The following SERAC1 variants were observed in gnomAD, a reference collection of about 807,000 sequenced individuals.
SERAC1 encodes the protein serine active site containing 1.
SERAC1 carries 36 observed loss-of-function variants against 85.7 expected under a neutral mutation model. The observed-to-expected ratio is 0.42, with a 90% CI of 0.32 to 0.55. The LOEUF (loss-of-function observed/expected upper bound fraction) is 0.55, where lower values mean the gene tolerates loss of function less well. SERAC1 is among the 20% of genes least tolerant of loss of function. The pLI is 0.11. For synonymous variants in SERAC1, 242 were observed against 265.3 expected, an observed-to-expected ratio of 0.91 and a Z score of 0.85; for missense variants, 629 against 796.2, an observed-to-expected ratio of 0.79 and a Z score of 2.53.
intron 5 of SERAC1, among the ~76,000 whole-genome samples, chr6:158,148,662 C>T (rs572462849): frequency 2.4e-4 from 37 of 152,080 alleles, no homozygotes; most frequent in Non-Finnish European, 4.9e-4. Flanking sequence ...AGGCTGGTTT[C>T]AAACTCCTGA....
chr6:158,137,583 A>T lies in SERAC1; in HGVS notation c.738+5473T>A, dbSNP rs115544033. Among the ~76,000 whole-genome samples, 590 of 152,200 alleles carry T rather than the reference A, an allele frequency of 3.9e-3. 6 individuals are homozygous for T. The highest frequency in any genetic ancestry group is 0.014 in the African/African-American group (565 of 41,536). ...AGTAGCATAAAGACAATGCAATCAA[A>T]AGGTCATACGGGCCAGGCACGGTGG... On this transcript the variant is annotated intron_variant, in intron 8 of 16. Transcript: ENST00000647468.
intron 1 of SERAC1, among the ~76,000 whole-genome samples, chr6:158,165,575 T>G (rs2128426641): frequency 6.6e-6 from 1 of 152,262 alleles, no homozygotes; most frequent in South Asian, 2.1e-4. Flanking sequence ...CCTTTCATAC[T>G]CAACTGTCCA....
At position 158,110,486 on chromosome 6, in the gene SERAC1, AAAG is replaced by A. The variant is rs1418531467; in HGVS notation, c.*877_*879del. On this transcript the variant is annotated 3_prime_UTR_variant, in exon 17 of 17. Coordinates refer to ENST00000647468, the MANE Select transcript of SERAC1 (RefSeq NM_032861.4). The stretch of plus-strand genomic sequence containing the variant: ...AATAATGCTGTTACTCTAAAGAAAA[AAAG>A]GTCATCGACATGATTATCTACTACT... 2 of 152,232 alleles carry A rather than the reference AAAG, an allele frequency of 1.3e-5. No individual in the cohort carries two copies. Among genetic ancestry groups the A allele is most frequent in the Non-Finnish European group, 2.9e-5 (2 of 68,042 alleles). 9.4% of individuals were successfully genotyped at this position (152,232 alleles called of 1,614,324 possible).
intron 14 of SERAC1, among the ~76,000 whole-genome samples, chr6:158,115,424 C>G (rs909669001): frequency 6.6e-6 from 1 of 152,192 alleles, no homozygotes; most frequent in African/African-American, 2.4e-5. Context: ...CCTCTGGAGG[C>G]ACCTTTTCTT....
chr6:158,154,930 G>A (rs1785291545), intron 3 of SERAC1, among the ~76,000 whole-genome samples: 1 of 151,954 alleles, frequency 6.6e-6, no homozygotes, highest in Non-Finnish European at 1.5e-5. Flanking sequence ...AAGTGTGCCG[G>A]AGCTGAGTGA....
chr6:158,158,208 TA>T, intron 2 of SERAC1, 64 bp downstream of exon 2: 1 of 1,269,622 alleles, frequency 7.9e-7, no homozygotes, highest in South Asian at 1.3e-5. Flanking sequence ...TGGCCCATCT[TA>T]GAAATGGCCA....
intron 7 of SERAC1, 40 bp from the exon 8 acceptor site, chr6:158,143,224 C>T (rs996801014): frequency 6.3e-7 from 1 of 1,587,736 alleles, no homozygotes; most frequent in Non-Finnish European, 8.5e-7. Flanking sequence ...AAATACTCAA[C>T]AACTGAGTAC....
rs148224944 is a variant in SERAC1 at position 158,116,236 on chromosome 6, C to T, written c.1450G>A (p.Ala484Thr). ...ACTGGCCTATCCCCAACACCAGCAG[C>T]TCTGAGCTTCCTAAGAAGTTCGTTG... The part of the protein sequence containing the change: ...RSNELLRKLR[A>T]AGVGDRPVVW... The change falls in exon 14 of 17, where the codon GCT becomes ACT. Residue 484 changes from alanine (A) to threonine (T), a missense_variant. Transcript: ENST00000647468. The T allele has an allele frequency of 6.2e-7, 1 of 1,614,034 alleles. No homozygotes were observed. The highest frequency in any genetic ancestry group is 1.3e-5 in the African/African-American group (1 of 74,914).
chr6:158,111,384 G>C lies in SERAC1; in HGVS notation c.1947C>G (p.Ala649=). Residue 649 remains alanine (A), a synonymous_variant, in exon 17 of 17, where the codon GCC becomes GCG. Transcript: ENST00000647468. ...ACAACTGTTAGTTTTCAAGGTCTTT[G>C]GCTAAAGCTTCACGAATGAATTGTA... is the stretch of plus-strand genomic sequence containing the variant. The part of the protein sequence containing the change: ...RTLQFIREAL[A]KDLEN 1 of 1,597,494 alleles carries C rather than the reference G, an allele frequency of 6.3e-7. No homozygotes were observed. Among genetic ancestry groups the C allele is most frequent in the Non-Finnish European group, 8.5e-7 (1 of 1,175,458 alleles).
At chr6:158,127,335 C>T (rs1784565110) in intron 10 of SERAC1, among the ~76,000 whole-genome samples, 1 of 5,498 alleles carries the variant, frequency 1.8e-4, no homozygotes, top group East Asian at 0.042. Flanking sequence ...GTGAGGAGCC[C>T]CTCTGCCCGG....
At chr6:158,156,958 AAATAT>A in intron 2 of SERAC1, among the ~76,000 whole-genome samples, 3 of 138,472 alleles carry the variant, frequency 2.2e-5, no homozygotes, top group South Asian at 2.1e-4. Flanking sequence ...ATATTTATAT[AAATAT>A]TAATATATTT....
chr6:158,164,413 T>C (rs1368206816), intron 1 of SERAC1, among the ~76,000 whole-genome samples: 2 of 151,976 alleles, frequency 1.3e-5, no homozygotes, highest in East Asian at 3.9e-4. Context: ...AGGTGCAGCT[T>C]GCAGTGAGCA....
chr6:158,139,165 A>G (rs1422372527), intron 8 of SERAC1, among the ~76,000 whole-genome samples: 1 of 152,140 alleles, frequency 6.6e-6, no homozygotes, highest in Non-Finnish European at 1.5e-5. Context: ...TCAGCCTCCC[A>G]AAGTGCTAGG....
intron 15 of SERAC1, among the ~76,000 whole-genome samples, chr6:158,114,296 A>G (rs949227718): frequency 8.5e-5 from 13 of 152,192 alleles, no homozygotes; most frequent in African/African-American, 2.9e-4. Flanking sequence ...AAAGTAGAAC[A>G]AAGAGAAAAT....
In SERAC1 at chr6:158,131,420, T is replaced by A. The variant is rs1784672027; in HGVS notation, c.739-934A>T. Among the ~76,000 whole-genome samples, 6 of 147,212 alleles carry A rather than the reference T, an allele frequency of 4.1e-5. No homozygotes were observed. The South Asian group carries it at 1.0e-3, about 26-fold the overall frequency. On this transcript the variant is annotated intron_variant, in intron 8 of 16. Coordinates refer to ENST00000647468, the MANE Select transcript of SERAC1 (RefSeq NM_032861.4). ...ATATAATATATTTATATTTATATTTTTATATTTTAGAGGCATATTTCTAAA... is the reference window on the plus strand; with the variant it reads ...ATATAATATATTTATATTTATATTTATATATTTTAGAGGCATATTTCTAAA...
intron 3 of SERAC1, among the ~76,000 whole-genome samples, chr6:158,151,844 A>C (rs996266304): frequency 2.6e-5 from 4 of 152,124 alleles, no homozygotes; most frequent in African/African-American, 9.7e-5. Flanking sequence ...AAAAGTCAAA[A>C]AGTTTTTCAA....
At chr6:158,143,253 A>G (rs1784961392) in intron 7 of SERAC1, 69 bp from the exon 8 acceptor site, 4 of 1,567,416 alleles carry the variant, frequency 2.6e-6, no homozygotes. Context: ...ATATCCAAAG[A>G]CTCAAAGCCA....
Position 158,120,986 on chromosome 6 carries a change from C to T in SERAC1, c.1016-411G>A, listed in dbSNP as rs1300447133. ...ATCCTGACCAGCAATCAGTAATACC[C>T]TTTCATACAAATGAAGAAACTATTT... On this transcript the variant is annotated intron_variant, in intron 10 of 16. Transcript: ENST00000647468. This position sits in a 1 kb window ranked among gnomAD's most constrained non-coding sequence, Gnocchi z 4.4. Among the ~76,000 whole-genome samples the T allele has an allele frequency of 1.3e-5, 2 of 152,130 alleles. No homozygotes were observed. Among genetic ancestry groups the T allele is most frequent in the Non-Finnish European group, 2.9e-5 (2 of 68,028 alleles).
intron 10 of SERAC1, among the ~76,000 whole-genome samples, chr6:158,127,385 C>G (rs1784569066): frequency 3.1e-5 from 2 of 64,490 alleles, no homozygotes; most frequent in African/African-American, 5.9e-5. Flanking sequence ...GGGGTCAGCC[C>G]CCCTGCCCGG....
Sources: gnomAD v4.1 joint callset for allele counts (sites outside exome capture counted in the v4.1 genomes callset) on GRCh38, gnomAD v4.1.1 for gene constraint, Gnocchi (gnomAD v3.1) non-coding constraint, MANE v1.5 for transcripts, NCBI Gene and HGNC (gene_info 2026-07-23, HGNC 2026-07-21) for gene names.